Variants in CA10 observed in about 807,000 individuals in gnomAD.
CA10 encodes carbonic anhydrase 10 (inactive).
CA10 carries 14 observed loss-of-function variants against 44.2 expected under a neutral mutation model. That is an observed-to-expected ratio of 0.32 (90% CI 0.21 to 0.50). The LOEUF (loss-of-function observed/expected upper bound fraction) is 0.50, where lower values mean the gene tolerates loss of function less well. CA10 is among the 20% of genes least tolerant of loss of function. The probability of loss-of-function intolerance (pLI) is 0.99; values close to 1 mark genes in which losing one functional copy is unlikely to be tolerated. For missense variants in CA10, 350 were observed against 409.7 expected (o/e 0.85, Z 1.26); for synonymous variants, 159 against 141.6 (o/e 1.12, Z -0.87).
intron 4 of CA10, among the ~76,000 whole-genome samples, chr17:51,744,101 C>T (rs1443105655): frequency 6.6e-6 from 1 of 152,056 alleles, no homozygotes; most frequent in African/African-American, 2.4e-5. Flanking sequence ...GGGCAGATCA[C>T]TTGAGGTCAG....
chr17:51,827,332 GCACA>G (rs35515561), intron 3 of CA10, among the ~76,000 whole-genome samples: 45 of 147,764 alleles, frequency 3.0e-4, no homozygotes, highest in South Asian at 1.1e-3. Context: ...AGAGAAACAC[GCACA>G]CACACACACA....
At chr17:51,997,874 A>G (rs1985291485) in intron 2 of CA10, among the ~76,000 whole-genome samples, 1 of 152,092 alleles carries the variant, frequency 6.6e-6, no homozygotes, top group Non-Finnish European at 1.5e-5. Flanking sequence ...ACATCGCACC[A>G]GAGTCCCAGT....
rs1259617526 is a variant in CA10 at position 51,653,545 on chromosome 17, C to T, written c.561+96G>A. ...ATAGTTTTCTTAGGCATGGATAGCA[C>T]CCCTTTTAATATTTCTAACTCCAAC... On this transcript the variant is annotated intron_variant, in intron 5 of 8. Transcript: ENST00000451037. 8 of 756,486 alleles carry T rather than the reference C, an allele frequency of 1.1e-5. No homozygotes were observed. The Admixed American group carries it at 1.5e-4, about 14-fold the overall frequency. 46.9% of individuals were successfully genotyped at this position (756,486 alleles called of 1,614,324 possible). A position where few individuals can be genotyped will look rare whatever the true frequency, so the allele number is the denominator to read the frequency against.
intron 4 of CA10, among the ~76,000 whole-genome samples, chr17:51,723,057 A>C (rs1237469698): frequency 1.6e-4 from 24 of 152,202 alleles, no homozygotes. Context: ...TGAGGCAAAG[A>C]TTGGAAAAGT....
intron 2 of CA10, among the ~76,000 whole-genome samples, chr17:52,061,476 T>C (rs1421985041): frequency 6.6e-6 from 1 of 152,186 alleles, no homozygotes; most frequent in Non-Finnish European, 1.5e-5. Context: ...CTACTAACTT[T>C]AGGGTAATTT....
chr17:52,051,796 A>G (rs1987079379), intron 2 of CA10, among the ~76,000 whole-genome samples: 1 of 152,150 alleles, frequency 6.6e-6, no homozygotes, highest in Non-Finnish European at 1.5e-5. Flanking sequence ...CCAAAAGGAC[A>G]TAAATCATTC....
chr17:51,636,971 G>C (rs1201709634), intron 6 of CA10, among the ~76,000 whole-genome samples: 2 of 152,018 alleles, frequency 1.3e-5, no homozygotes, highest in African/African-American at 4.8e-5. Flanking sequence ...AACAATTTCA[G>C]TCATCTAAAA....
chr17:51,864,016 C>A (rs1979432287), intron 3 of CA10, among the ~76,000 whole-genome samples: 1 of 152,284 alleles, frequency 6.6e-6, no homozygotes, highest in Admixed American at 6.5e-5. Flanking sequence ...TATTAGGCAG[C>A]TCAAAGCCCC....
chr17:51,724,765 G>A (rs1005921660), intron 4 of CA10, among the ~76,000 whole-genome samples: 4 of 152,148 alleles, frequency 2.6e-5, no homozygotes, highest in Non-Finnish European at 5.9e-5. Flanking sequence ...ACTAAACCAT[G>A]CCTATCCCTG....
chr17:51,738,833 G>A (rs1222146716), intron 4 of CA10, among the ~76,000 whole-genome samples: 3 of 152,130 alleles, frequency 2.0e-5, no homozygotes, highest in Non-Finnish European at 4.4e-5. Context: ...CTTGGGATTT[G>A]ACAGAATTCT....
intron 2 of CA10, among the ~76,000 whole-genome samples, chr17:51,982,726 A>G (rs2144089853): frequency 6.6e-6 from 1 of 151,990 alleles, no homozygotes; most frequent in South Asian, 2.1e-4. Flanking sequence ...TTTTCCCAAT[A>G]AATTACATCA....
intron 3 of CA10, among the ~76,000 whole-genome samples, chr17:51,798,673 C>T (rs533705875): frequency 6.6e-6 from 1 of 152,224 alleles, no homozygotes; most frequent in South Asian, 2.1e-4. Flanking sequence ...GTTGCATTGT[C>T]ACTAGTGGGA....
At position 52,121,413 on chromosome 17, in the gene CA10, A is replaced by G. The variant is rs73355411; in HGVS notation, c.61+36313T>C. On this transcript the variant is annotated intron_variant, in intron 1 of 8. Transcript: ENST00000451037. ...GAAGGGATATTGCTTAAAAAAGAAA[A>G]AAAAAGACTTCTGCTTAGCATGCAA... Among the ~76,000 whole-genome samples, 1,173 of 152,272 alleles carry G rather than the reference A, an allele frequency of 7.7e-3. 19 individuals are homozygous for G. The highest frequency in any genetic ancestry group is 0.027 in the African/African-American group (1,128 of 41,546).
intron 2 of CA10, among the ~76,000 whole-genome samples, chr17:52,067,733 G>A (rs775566385): frequency 1.6e-4 from 25 of 152,212 alleles, no homozygotes; most frequent in Non-Finnish European, 1.2e-4. Flanking sequence ...GCATGACCTG[G>A]ATGTGATACA....
intron 3 of CA10, 129 bp from the exon 4 acceptor site, chr17:51,747,947 A>G: frequency 1.5e-6 from 1 of 669,914 alleles, no homozygotes; most frequent in South Asian, 2.1e-5. Flanking sequence ...CCACATGTGG[A>G]GTAGGGCGTG....
chr17:52,044,924 C>T (rs1038302753), intron 2 of CA10, among the ~76,000 whole-genome samples: 1 of 151,262 alleles, frequency 6.6e-6, no homozygotes, highest in African/African-American at 2.4e-5. Context: ...GAAATCATGG[C>T]CAAATCTTTC....
At chr17:51,763,995 T>C (rs751458489) in intron 3 of CA10, among the ~76,000 whole-genome samples, 1 of 150,636 alleles carries the variant, frequency 6.6e-6, no homozygotes, top group South Asian at 2.1e-4. Flanking sequence ...GGTTGTGAAA[T>C]ATATCCTGAT....
At chr17:51,984,268 A>G (rs1235790348) in intron 2 of CA10, among the ~76,000 whole-genome samples, 2 of 151,772 alleles carry the variant, frequency 1.3e-5, no homozygotes, top group East Asian at 3.9e-4. Context: ...TTTGGGTCAA[A>G]AACGAAAGCA....
chr17:51,946,142 G>A (rs913473989), intron 2 of CA10, among the ~76,000 whole-genome samples: 1 of 152,132 alleles, frequency 6.6e-6, no homozygotes, highest in Non-Finnish European at 1.5e-5. Flanking sequence ...AGTTACCAGG[G>A]CTGGGACAAG....
Sources: gnomAD v4.1 joint callset for allele counts (sites outside exome capture counted in the v4.1 genomes callset) on GRCh38, gnomAD v4.1.1 for gene constraint, MANE v1.5 for transcripts, NCBI Gene and HGNC (gene_info 2026-07-23, HGNC 2026-07-21) for gene names.